RPN1: variants seen among roughly 807,000 people sequenced by gnomAD.
RPN1 encodes dolichyl-diphosphooligosaccharide--protein glycosyltransferase subunit 1.
In RPN1, 12 loss-of-function variants were observed where a neutral mutation model predicts 55.5. That is an observed-to-expected ratio of 0.22 (90% CI 0.14 to 0.35). The LOEUF (loss-of-function observed/expected upper bound fraction) is 0.35. Ranked by LOEUF, RPN1 falls within the 10% of genes least tolerant of loss-of-function variation. The pLI is 1.00. For synonymous variants in RPN1, 317 were observed against 305.9 expected (o/e 1.04, Z -0.38); for missense variants, 679 against 761.3 (o/e 0.89, Z 1.27).
Position 128,622,317 on chromosome 3 carries a change from A to G in RPN1, c.1488T>C (p.Phe496=). ...GCTTGTACCTATTGACGGTCTCGTC[A>G]AAGTGACGGTAAAGGCCTATTCTCT... ...VNKRIGLYRH[F]DETVNRYKQS... The change falls in exon 9 of 10, where the codon TTT becomes TTC. Residue 496 remains phenylalanine (F), a synonymous_variant. Transcript: ENST00000296255. The G allele has an allele frequency of 6.2e-7, 1 of 1,614,224 alleles. No homozygotes were observed. Among genetic ancestry groups the G allele is most frequent in the Non-Finnish European group, 8.5e-7 (1 of 1,180,048 alleles).
At chr3:128,625,807 G>C in intron 7 of RPN1, 67 bp downstream of exon 7, 1 of 1,562,214 alleles carries the variant, frequency 6.4e-7, no homozygotes, top group Non-Finnish European at 8.7e-7. Flanking sequence ...CAGAAGGTGA[G>C]TTCTTGGCCC....
intron 2 of RPN1, chr3:128,640,962 G>A (rs920973655): frequency 1.3e-5 from 2 of 152,148 alleles, no homozygotes; most frequent in African/African-American, 2.4e-5. Flanking sequence ...AGACAAATCA[G>A]AACCTTTCAG....
At chr3:128,629,202 T>G (rs1351876108) in intron 5 of RPN1, among the ~76,000 whole-genome samples, 1 of 152,128 alleles carries the variant, frequency 6.6e-6, no homozygotes, top group African/African-American at 2.4e-5. Context: ...TTCCTCATAA[T>G]AATTCACTGA....
chr3:128,646,214 C>T (rs2107722481), intron 1 of RPN1, among the ~76,000 whole-genome samples: 1 of 129,028 alleles, frequency 7.8e-6, no homozygotes, highest in East Asian at 2.3e-4. Context: ...CAGAGTGAGA[C>T]TCCGTCTCAA....
At chr3:128,636,574 CAG>C (rs1322964311) in intron 3 of RPN1, among the ~76,000 whole-genome samples, 1 of 151,878 alleles carries the variant, frequency 6.6e-6, no homozygotes, top group Non-Finnish European at 1.5e-5. Context: ...TCTAAACACA[CAG>C]AGAGATGCAA....
chr3:128,631,297 A>C (rs1461460914), intron 4 of RPN1, among the ~76,000 whole-genome samples: 2 of 151,396 alleles, frequency 1.3e-5, no homozygotes, highest in Non-Finnish European at 2.9e-5. Flanking sequence ...AACATGGAGA[A>C]ACCCTGTCTC....
intron 2 of RPN1, 199 bp downstream of exon 2, chr3:128,644,720 A>G: frequency 1.5e-6 from 1 of 651,506 alleles, no homozygotes; most frequent in Non-Finnish European, 2.8e-6. Flanking sequence ...GCACTTTGAG[A>G]GGCCAAGGTA....
intron 8 of RPN1, 148 bp downstream of exon 8, chr3:128,625,382 AAAAC>A (rs1480030218): frequency 1.6e-6 from 2 of 1,265,218 alleles, no homozygotes; most frequent in Non-Finnish European, 2.2e-6. Flanking sequence ...ACAAGCAACA[AAAAC>A]AAAGTACCCT....
rs1017412178 is a variant in RPN1, at chr3:128,625,893, T to C, written c.1256A>G (p.Gln419Arg). Reference sequence around the variant, plus strand: ...ACTCACCACAATGTCCTGAATGTGCTGTTCTACCAGATTTTTCTTGTAGGC... The same window carrying C: ...ACTCACCACAATGTCCTGAATGTGCCGTTCTACCAGATTTTTCTTGTAGGC... ...IVAYKKNLVE[Q>R]HIQDIVVHYT... The change falls in exon 7 of 10, where the codon CAG becomes CGG. Residue 419 changes from glutamine to arginine, a missense_variant. Physicochemically the swap from Gln to Arg is conservative, Grantham distance 43. This residue lies in a region of RPN1 where 306 missense variants were observed against 360.0 expected (regional missense o/e 0.85). Transcript: ENST00000296255. 4 of 1,613,136 alleles carry C rather than the reference T, an allele frequency of 2.5e-6. No individual in the cohort carries two copies. The highest frequency in any genetic ancestry group is 1.7e-5 in the Admixed American group (1 of 59,882).
Position 128,638,208 on chromosome 3 carries a change from A to C in RPN1, c.327-103T>G, listed in dbSNP as rs1413537418. On this transcript the variant is annotated intron_variant, in intron 2 of 9. Coordinates refer to ENST00000296255, the MANE Select transcript of RPN1 (RefSeq NM_002950.4). The stretch of plus-strand genomic sequence containing the variant: ...AAAATTTTGAACCAAAGACAAAAGC[A>C]ATTATCTTTAAGAGATCACCTTTTC... 3.3e-5 allele frequency: 26 copies of C among 784,096 alleles called. No individual in the cohort carries two copies. In the East Asian group the frequency reaches 6.5e-4, roughly 19 times the overall value. 48.6% of individuals were successfully genotyped at this position (784,096 alleles called of 1,614,324 possible).
Position 128,625,952 on chromosome 3 carries a change from G to T in RPN1, c.1197C>A (p.Thr399=). 6.2e-7 allele frequency: 1 copy of T among 1,613,088 alleles called. No homozygotes were observed. The highest frequency in any genetic ancestry group is 8.5e-7 in the Non-Finnish European group (1 of 1,179,320). Residue 399 remains threonine, a synonymous_variant, in exon 7 of 10, where the codon ACC becomes ACA. Transcript: ENST00000296255. ...CAGGGCGGCCAAATGTGTCCAGATA[G>T]GTGTAGTGCAGCTCATCTGGGGCAC... The part of the protein sequence containing the change: ...ISRAPDELHY[T]YLDTFGRPVI...
chr3:128,645,660 T>C (rs912226861), intron 1 of RPN1, among the ~76,000 whole-genome samples: 1 of 143,964 alleles, frequency 6.9e-6, no homozygotes, highest in African/African-American at 2.6e-5. Flanking sequence ...CTACGAAAAA[T>C]ACAAAAATTA....
intron 2 of RPN1, among the ~76,000 whole-genome samples, chr3:128,640,318 A>G (rs748308723): frequency 5.9e-5 from 9 of 152,198 alleles, no homozygotes; most frequent in Non-Finnish European, 1.2e-4. Flanking sequence ...AATAAGCTTC[A>G]ATGAGTTTGT....
chr3:128,633,588 T>A (rs1235629732), intron 3 of RPN1, among the ~76,000 whole-genome samples: 1 of 152,106 alleles, frequency 6.6e-6, no homozygotes, highest in Non-Finnish European at 1.5e-5. Context: ...AATACAAAAA[T>A]TCATAACTTT....
chr3:128,635,949 C>T (rs927623096), intron 3 of RPN1, among the ~76,000 whole-genome samples: 8 of 151,578 alleles, frequency 5.3e-5, no homozygotes, highest in Non-Finnish European at 1.0e-4. Context: ...TTACATACAA[C>T]TTGTTATATA....
chr3:128,638,910 G>A (rs2107719261), intron 2 of RPN1, among the ~76,000 whole-genome samples: 1 of 152,060 alleles, frequency 6.6e-6, no homozygotes, highest in East Asian at 1.9e-4. Flanking sequence ...AGGTTGCAGT[G>A]AGCCAAGATA....
chr3:128,630,889 G>A (rs972233855), intron 4 of RPN1, among the ~76,000 whole-genome samples: 7 of 151,556 alleles, frequency 4.6e-5, no homozygotes, highest in South Asian at 2.1e-4. Context: ...CGAGGCGGGC[G>A]GATCACAAGG....
At chr3:128,630,169 T>A (rs778718199) in intron 4 of RPN1, 26 bp from the exon 5 acceptor site, 2 of 1,545,242 alleles carry the variant, frequency 1.3e-6, no homozygotes, top group Non-Finnish European at 1.8e-6. Flanking sequence ...TATGCCCTTC[T>A]AAAACTCCAG....
chr3:128,639,492 T>C (rs2069709161), intron 2 of RPN1, among the ~76,000 whole-genome samples: 1 of 150,154 alleles, frequency 6.7e-6, no homozygotes, highest in African/African-American at 2.4e-5. Flanking sequence ...ATGTAAAGAA[T>C]AGTATTTCAA....
Sources: allele counts gnomAD v4.1 joint callset (sites outside exome capture counted in the v4.1 genomes callset), GRCh38; gene constraint gnomAD v4.1.1; regional missense constraint gnomAD v4.1.1; transcripts MANE v1.5; gene names NCBI Gene and HGNC (gene_info 2026-07-23, HGNC 2026-07-21).